The following SERPINA9 variants were observed in gnomAD, a reference collection of about 807,000 sequenced individuals.
SERPINA9 encodes the protein serpin A9.
A neutral mutation model predicts 24.5 loss-of-function variants in SERPINA9; 32 were observed. The ratio of observed to expected loss-of-function variants is 1.30; its 90% CI spans 0.98 to 1.75. The LOEUF is 1.75. Ranked by LOEUF, SERPINA9 falls within the 40% of genes most tolerant of loss-of-function variation. The probability of loss-of-function intolerance (pLI) is 0.00; values close to 1 mark genes in which losing one functional copy is unlikely to be tolerated. For synonymous variants in SERPINA9, 233 were observed against 197.7 expected (o/e 1.18, Z -1.50); for missense variants, 594 against 497.1 (o/e 1.19, Z -1.85).
intron 2 of SERPINA9, among the ~76,000 whole-genome samples, chr14:94,468,316 G>A (rs1306303116): frequency 1.3e-5 from 2 of 152,182 alleles, no homozygotes; most frequent in Admixed American, 6.5e-5. Flanking sequence ...TTAGGCGCAT[G>A]CCTGGATGGA....
At position 94,462,934 on chromosome 14, in the gene SERPINA9, C is replaced by T. The variant is rs1898807898; in HGVS notation, c.*159G>A. ...ATGGGTGTTGGCTTGTGACTGGGGT[C>T]CCTGTTGATGGTTTGGTGATTGAGC... On this transcript the variant is annotated 3_prime_UTR_variant, in exon 5 of 5. Transcript: ENST00000674397. 2 of 637,914 alleles carry T rather than the reference C, an allele frequency of 3.1e-6. No homozygotes were observed. The highest frequency in any genetic ancestry group is 4.9e-5 in the Admixed American group (2 of 40,838). 39.5% of individuals were successfully genotyped at this position (637,914 alleles called of 1,614,324 possible).
intron 1 of SERPINA9, among the ~76,000 whole-genome samples, chr14:94,475,704 C>G (rs1446904720): frequency 6.6e-6 from 1 of 152,192 alleles, no homozygotes; most frequent in East Asian, 1.9e-4. Flanking sequence ...TTCCACCTCT[C>G]TTTTCTGCAC....
In SERPINA9 at chr14:94,463,257, T is replaced by C; in HGVS notation, c.1090A>G (p.Thr364Ala). ...KAVLDVSEEG[T>A]EATAATTTKF... is the part of the protein sequence containing the mutation. ...GTGGTGGTAGCTGCTGTGGCCTCAGTGCCCTCTTCACTGACATCCAGCACA... is the reference window on the plus strand; with the variant it reads ...GTGGTGGTAGCTGCTGTGGCCTCAGCGCCCTCTTCACTGACATCCAGCACA... The change falls in exon 5 of 5, where the codon ACT becomes GCT. Residue 364 changes from threonine (T) to alanine (A), a missense_variant. Thr to Ala is a moderately conservative substitution (Grantham distance 58). Coordinates refer to ENST00000674397, the MANE Select transcript of SERPINA9 (RefSeq NM_175739.4). 1 of 1,614,166 alleles carries C rather than the reference T, an allele frequency of 6.2e-7. No individual in the cohort carries two copies. The highest frequency in any genetic ancestry group is 2.2e-5 in the East Asian group (1 of 44,878).
rs539102578 is a variant in SERPINA9, at chr14:94,467,279, C to A, written c.732G>T (p.Glu244Asp). The A allele has an allele frequency of 1.2e-6, 2 of 1,614,156 alleles. No homozygotes were observed. The highest frequency in any genetic ancestry group is 2.7e-5 in the African/African-American group (2 of 75,060). The change falls in exon 3 of 5, where the codon GAG becomes GAT. Residue 244 changes from glutamate (E) to aspartate (D), a missense_variant. Coordinates refer to ENST00000674397, the MANE Select transcript of SERPINA9 (RefSeq NM_175739.4). ...TVHVPMMHQK[E>D]QFAFGVDTEL... is the part of the protein sequence containing the mutation. ...CTGTATCCACCCCAAAAGCGAACTGCTCTTTCTGGTGCATCATGGGGACAT... is the reference window on the plus strand; with the variant it reads ...CTGTATCCACCCCAAAAGCGAACTGATCTTTCTGGTGCATCATGGGGACAT...
intron 1 of SERPINA9, among the ~76,000 whole-genome samples, chr14:94,472,784 T>C (rs868377621): frequency 6.6e-5 from 10 of 152,144 alleles, no homozygotes; most frequent in Middle Eastern, 3.4e-3. Flanking sequence ...GATTGAAACT[T>C]GAAAAATGTT....
At chr14:94,475,323 G>C (rs1595674439) in intron 1 of SERPINA9, among the ~76,000 whole-genome samples, 3 of 152,198 alleles carry the variant, frequency 2.0e-5, no homozygotes, top group East Asian at 3.9e-4. Flanking sequence ...TCAGGGAAAA[G>C]CTTCACCTTT....
chr14:94,475,302 C>A (rs773688112), intron 1 of SERPINA9, among the ~76,000 whole-genome samples: 11 of 152,140 alleles, frequency 7.2e-5, no homozygotes, highest in Non-Finnish European at 1.3e-4. Flanking sequence ...CATCAGCTCA[C>A]TCTCCCATTT....
intron 1 of SERPINA9, among the ~76,000 whole-genome samples, chr14:94,475,005 C>A (rs982616106): frequency 6.6e-6 from 1 of 152,176 alleles, no homozygotes; most frequent in Non-Finnish European, 1.5e-5. Context: ...TCCCCAGCTG[C>A]ATCTTTGAGG....
intron 1 of SERPINA9, among the ~76,000 whole-genome samples, chr14:94,473,712 G>C (rs1899438648): frequency 6.6e-6 from 1 of 152,102 alleles, no homozygotes; most frequent in Non-Finnish European, 1.5e-5. Flanking sequence ...GGGGTCTACT[G>C]TGTTAACTTG....
At chr14:94,474,898 C>G (rs532013305) in intron 1 of SERPINA9, among the ~76,000 whole-genome samples, 1 of 152,248 alleles carries the variant, frequency 6.6e-6, no homozygotes, top group African/African-American at 2.4e-5. Context: ...GTATCACTCA[C>G]CTCACCTCGA....
intron 1 of SERPINA9, among the ~76,000 whole-genome samples, chr14:94,475,308 C>G (rs564569979): frequency 6.6e-6 from 1 of 152,264 alleles, no homozygotes; most frequent in South Asian, 2.1e-4. Flanking sequence ...CTCACTCTCC[C>G]ATTTTCAGGG....
At chr14:94,464,617 T>A (rs1898906235) in intron 4 of SERPINA9, 90 bp downstream of exon 4, 1 of 1,168,390 alleles carries the variant, frequency 8.6e-7, no homozygotes, top group East Asian at 2.4e-5. Context: ...TTCAGGCCTC[T>A]GTTTCCTTAT....
Position 94,469,778 on chromosome 14 carries a change from C to T in SERPINA9, c.63G>A (p.Val21=), listed in dbSNP as rs1234820741. The change falls in exon 2 of 5, where the codon GTG becomes GTA. Residue 21 remains valine, a synonymous_variant. Transcript: ENST00000674397. ...AVGLCAPIYC[V]SPANAPSAYP... ...ATGCACTGGGGGCATTGGCCGGGGA[C>T]ACACAGTAGATTGGAGCACAGAGGC... The T allele has an allele frequency of 1.3e-6, 2 of 1,546,184 alleles. No individual in the cohort carries two copies. The highest frequency in any genetic ancestry group is 2.3e-5 in the East Asian group (1 of 44,288).
In SERPINA9 at chr14:94,476,109, A is replaced by T. The variant is rs371524614; in HGVS notation, c.-18+27T>A. ...CTGGCTCAGTGACACCACATTCCCG[A>T]TCTCTCTGCACCTCCTCCTTACCCA... On this transcript the variant is annotated intron_variant, in intron 1 of 4. Coordinates refer to ENST00000674397, the MANE Select transcript of SERPINA9 (RefSeq NM_175739.4). 4 of 1,613,672 alleles carry T rather than the reference A, an allele frequency of 2.5e-6. No individual in the cohort carries two copies. In the African/African-American group the frequency reaches 4.0e-5, roughly 16 times the overall value.
rs1405637571 is a variant in SERPINA9, at chr14:94,469,350, T to C, written c.491A>G (p.Asp164Gly). 2.5e-6 allele frequency: 4 copies of C among 1,614,090 alleles called. No individual in the cohort carries two copies. The highest frequency in any genetic ancestry group is 3.4e-6 in the Non-Finnish European group (4 of 1,180,054). ...RLYEAEVFST[D>G]FSNPSIAQAR... ...CTGGGCAATGGAGGGGTTGGAGAAA[T>C]CTGTAGAAAAGACTTCTGCTTCATA... The change falls in exon 2 of 5, where the codon GAT becomes GGT. Residue 164 changes from aspartate to glycine, a missense_variant. Asp to Gly is a moderately conservative substitution (Grantham distance 94). Coordinates refer to ENST00000674397, the MANE Select transcript of SERPINA9 (RefSeq NM_175739.4).
chr14:94,471,455 G>A (rs1373488331), intron 1 of SERPINA9, among the ~76,000 whole-genome samples: 1 of 152,136 alleles, frequency 6.6e-6, no homozygotes, highest in Non-Finnish European at 1.5e-5. Context: ...AATGAAATAT[G>A]TAAATGAATC....
At chr14:94,467,755 T>A (rs186106115) in intron 2 of SERPINA9, among the ~76,000 whole-genome samples, 1 of 151,968 alleles carries the variant, frequency 6.6e-6, no homozygotes, top group East Asian at 1.9e-4. Context: ...GATGGATAGA[T>A]GAATAGCTAA....
At chr14:94,475,354 A>T (rs1899542050) in intron 1 of SERPINA9, among the ~76,000 whole-genome samples, 1 of 152,046 alleles carries the variant, frequency 6.6e-6, no homozygotes, top group Admixed American at 6.5e-5. Flanking sequence ...TAACCTTTTT[A>T]TTCCAGGGTG....
chr14:94,475,396 A>G (rs1438667872), intron 1 of SERPINA9, among the ~76,000 whole-genome samples: 4 of 151,390 alleles, frequency 2.6e-5, no homozygotes, highest in Non-Finnish European at 5.9e-5. Context: ...CATGTGTGCT[A>G]CATATGCATG....
Sources: allele counts gnomAD v4.1 joint callset (sites outside exome capture counted in the v4.1 genomes callset), GRCh38; gene constraint gnomAD v4.1.1; transcripts MANE v1.5; gene names NCBI Gene and HGNC (gene_info 2026-07-23, HGNC 2026-07-21).